Variants in ACSBG1 observed in about 807,000 individuals in gnomAD.
ACSBG1 encodes acyl-CoA synthetase bubblegum family member 1.
A neutral mutation model predicts 80.2 loss-of-function variants in ACSBG1; 39 were observed. That is an observed-to-expected ratio of 0.49 (90% CI 0.38 to 0.64). The LOEUF (loss-of-function observed/expected upper bound fraction) is 0.64. Among genes scored for constraint, ACSBG1 ranks in the 30% least tolerant of loss-of-function variants. The pLI, the probability that ACSBG1 is intolerant of heterozygous loss-of-function variation, is 0.00. For missense variants in ACSBG1, 828 were observed against 966.4 expected (o/e 0.86, Z 1.90); for synonymous variants, 392 against 379.5 (o/e 1.03, Z -0.38).
chr15:78,178,515 T>C lies in ACSBG1; in HGVS notation c.1702+99A>G. 7.6e-7 allele frequency: 1 copy of C among 1,310,376 alleles called. No homozygotes were observed. The highest frequency in any genetic ancestry group is 1.0e-6 in the Non-Finnish European group (1 of 970,580). The allele number at this position is 1,310,376 out of a possible 1,614,324, so 81.2% of individuals were successfully genotyped here. A position where few individuals can be genotyped will look rare whatever the true frequency, so the allele number is the denominator to read the frequency against. ...TGGGGTTTCGCTGTGCTGCCCAGGG[T>C]GGTCTTGAACTCCTGAGCTCAGACA... On this transcript the variant is annotated intron_variant, in intron 11 of 13. Coordinates refer to ENST00000258873, the MANE Select transcript of ACSBG1 (RefSeq NM_015162.5). This position sits in a 1 kb window ranked among gnomAD's most constrained non-coding sequence, Gnocchi z 4.3.
At chr15:78,218,578 T>C (rs2075331529) in intron 1 of ACSBG1, among the ~76,000 whole-genome samples, 1 of 152,206 alleles carries the variant, frequency 6.6e-6, no homozygotes, top group Non-Finnish European at 1.5e-5. Context: ...GCACTTAGTA[T>C]GTGCCAGGCA....
chr15:78,182,420 C>T (rs372015956), intron 7 of ACSBG1, 46 bp downstream of exon 7: 91 of 1,602,196 alleles, frequency 5.7e-5, no homozygotes, highest in African/African-American at 5.6e-4. Flanking sequence ...CAGATCCACC[C>T]ATAACCCCCT....
chr15:78,185,793 A>G lies in ACSBG1; in HGVS notation c.664-3008T>C, dbSNP rs138739558. On this transcript the variant is annotated intron_variant, in intron 5 of 13. Transcript: ENST00000258873. Reference sequence around the variant, plus strand: ...AAACACTATGTGGAGAGGAACGAAAATAAGATATCGTAGACGTCTTGTTAG... The same window carrying G: ...AAACACTATGTGGAGAGGAACGAAAGTAAGATATCGTAGACGTCTTGTTAG... Among the ~76,000 whole-genome samples the G allele has an allele frequency of 3.5e-3, 535 of 152,292 alleles. 5 individuals are homozygous for G. The highest frequency in any genetic ancestry group is 0.012 in the African/African-American group (505 of 41,582).
At chr15:78,231,555 G>A (rs760210828) in intron 1 of ACSBG1, among the ~76,000 whole-genome samples, 1 of 152,060 alleles carries the variant, frequency 6.6e-6, no homozygotes, top group Admixed American at 6.6e-5. Context: ...CAAAGTGCCA[G>A]GATTACAGGT....
chr15:78,183,647 GGAA>G (rs1169026529), intron 5 of ACSBG1, among the ~76,000 whole-genome samples: 2 of 152,200 alleles, frequency 1.3e-5, no homozygotes, highest in African/African-American at 4.8e-5. Flanking sequence ...GGGAATAAAG[GGAA>G]GAAGAAAGGG....
rs769179599 is a variant in ACSBG1 at position 78,179,618 on chromosome 15, C to A, written c.1416G>T (p.Ala472=). The A allele has an allele frequency of 6.2e-7, 1 of 1,614,130 alleles. No homozygotes were observed. Among genetic ancestry groups the A allele is most frequent in the African/African-American group, 1.3e-5 (1 of 75,000 alleles). ...CTGAGGTCTCACTGAGGCCGTAGCC[C>A]GCATACAAGCGGATGTTGAGACCCA... ...FFLGLNIRLY[A]GYGLSETSGP... The change falls in exon 10 of 14, where the codon GCG becomes GCT. Residue 472 remains alanine, a synonymous_variant. Transcript: ENST00000258873.
intron 8 of ACSBG1, chr15:78,181,178 G>A (rs1484606949): frequency 5.9e-6 from 3 of 512,074 alleles, no homozygotes; most frequent in African/African-American, 1.9e-5. Flanking sequence ...TCCCAGCCCT[G>A]AGCATGGCAA....
chr15:78,213,114 C>T (rs1454835246), intron 1 of ACSBG1, among the ~76,000 whole-genome samples: 2 of 152,186 alleles, frequency 1.3e-5, no homozygotes, highest in East Asian at 3.9e-4. Flanking sequence ...CTAACTAGTT[C>T]CCCATATCCT....
At position 78,167,727 on chromosome 15, in the gene ACSBG1, T is replaced by G. The variant is rs1023960329; in HGVS notation, c.*3717A>C. ...TTCCTGTCTCTATGAATTTGACTAC[T>G]CTAGGTACCTCATGTAAGTGGAATC... On this transcript the variant is annotated 3_prime_UTR_variant, in exon 14 of 14. Coordinates refer to ENST00000258873, the MANE Select transcript of ACSBG1 (RefSeq NM_015162.5). The G allele has an allele frequency of 2.0e-5, 3 of 152,228 alleles. No homozygotes were observed. The highest frequency in any genetic ancestry group is 7.2e-5 in the African/African-American group (3 of 41,448). The allele number at this position is 152,228 out of a possible 1,614,324, so 9.4% of individuals were successfully genotyped here. A position where few individuals can be genotyped will look rare whatever the true frequency, so the allele number is the denominator to read the frequency against.
At chr15:78,197,247 G>A (rs1375611045) in intron 2 of ACSBG1, among the ~76,000 whole-genome samples, 3 of 152,110 alleles carry the variant, frequency 2.0e-5, no homozygotes, top group Non-Finnish European at 4.4e-5. Context: ...GGAGGTGGGA[G>A]TGGGGAGTGA....
chr15:78,206,773 T>C (rs1479574688), intron 2 of ACSBG1, among the ~76,000 whole-genome samples: 1 of 152,228 alleles, frequency 6.6e-6, no homozygotes, highest in Non-Finnish European at 1.5e-5. Context: ...ACGACAGCCA[T>C]TCAGATGAAG....
At chr15:78,181,729 G>T (rs1349705036) in intron 8 of ACSBG1, among the ~76,000 whole-genome samples, 1 of 152,090 alleles carries the variant, frequency 6.6e-6, no homozygotes, top group Non-Finnish European at 1.5e-5. Context: ...TCCTGACCTC[G>T]TGATGTGCCT....
At chr15:78,214,746 C>T (rs1342566401) in intron 1 of ACSBG1, among the ~76,000 whole-genome samples, 1 of 151,902 alleles carries the variant, frequency 6.6e-6, no homozygotes, top group African/African-American at 2.4e-5. Context: ...CAGCCTCAGC[C>T]CTAATTTTAA....
intron 1 of ACSBG1, among the ~76,000 whole-genome samples, chr15:78,219,387 A>G (rs1394459766): frequency 2.2e-5 from 3 of 138,780 alleles, no homozygotes; most frequent in Non-Finnish European, 4.6e-5. Flanking sequence ...AGCCTGGGTG[A>G]CAGAGTAAGG....
At chr15:78,202,266 T>C (rs1965444) in intron 2 of ACSBG1, among the ~76,000 whole-genome samples, 152,182 of 152,196 alleles carry the variant, frequency 1, 76,084 homozygotes, top group Middle Eastern at 1. Flanking sequence ...GCTGGAGTGC[T>C]GTGGCACTAT....
chr15:78,204,536 G>A (rs941653623), intron 2 of ACSBG1, among the ~76,000 whole-genome samples: 2 of 152,210 alleles, frequency 1.3e-5, no homozygotes, highest in African/African-American at 4.8e-5. Context: ...GGGCTGGGTG[G>A]GTGCCTTGAC....
Position 78,173,654 on chromosome 15 carries a change from G to A in ACSBG1, c.2028C>T (p.Pro676=), listed in dbSNP as rs1437857668. The change falls in exon 13 of 14, where the codon CCC becomes CCT. Residue 676 remains proline (P), a synonymous_variant. Transcript: ENST00000258873. ...RRVNMNAAAR[P]YHIQKWAILE... The stretch of plus-strand genomic sequence containing the variant: ...GAATGGCCCACTTCTGGATGTGGTA[G>A]GGCCGGGCCGCCGCGTTCATGTTGA... 1.2e-6 allele frequency: 2 copies of A among 1,614,100 alleles called. No homozygotes were observed. The highest frequency in any genetic ancestry group is 2.7e-5 in the African/African-American group (2 of 74,934).
chr15:78,233,841 G>T (rs1435467644), intron 1 of ACSBG1, among the ~76,000 whole-genome samples: 2 of 152,218 alleles, frequency 1.3e-5, no homozygotes, highest in Non-Finnish European at 2.9e-5. Context: ...CTGATACGTT[G>T]AATCCACTTC....
intron 1 of ACSBG1, among the ~76,000 whole-genome samples, chr15:78,231,290 T>C (rs1279089191): frequency 2.0e-5 from 3 of 151,338 alleles, no homozygotes; most frequent in African/African-American, 7.3e-5. Context: ...CTGGCTAATT[T>C]TTTTTTTTTT....
Sources: allele counts gnomAD v4.1 joint callset (sites outside exome capture counted in the v4.1 genomes callset), GRCh38; gene constraint gnomAD v4.1.1; non-coding constraint Gnocchi (gnomAD v3.1); transcripts MANE v1.5; gene names NCBI Gene and HGNC (gene_info 2026-07-23, HGNC 2026-07-21).